Variants in PDE4D observed in about 807,000 individuals in gnomAD.
The protein encoded by PDE4D is phosphodiesterase 4D.
In PDE4D, 24 loss-of-function variants were observed where a neutral mutation model predicts 87.4. The ratio of observed to expected loss-of-function variants is 0.27; its 90% CI spans 0.20 to 0.39. The LOEUF is 0.39. PDE4D is among the 10% of genes least tolerant of loss of function. The pLI is 1.00. For missense variants in PDE4D, 714 were observed against 1,041.0 expected (o/e 0.69, Z 4.32); for synonymous variants, 384 against 383.2 (o/e 1.00, Z -0.02).
At chr5:59,547,130 T>A (rs1329036153) in intron 1 of PDE4D, among the ~76,000 whole-genome samples, 1 of 152,182 alleles carries the variant, frequency 6.6e-6, no homozygotes, top group Non-Finnish European at 1.5e-5. Context: ...TAATTCTTCC[T>A]CTACCTCTAA....
At chr5:60,308,397 A>C (rs1156571348) in intron 1 of PDE4D, among the ~76,000 whole-genome samples, 1 of 152,214 alleles carries the variant, frequency 6.6e-6, no homozygotes, top group Non-Finnish European at 1.5e-5. Context: ...CAAATAGCCA[A>C]GATTGGAGGT....
intron 1 of PDE4D, among the ~76,000 whole-genome samples, chr5:60,513,991 T>C (rs1016548467): frequency 6.6e-6 from 1 of 151,228 alleles, no homozygotes; most frequent in Admixed American, 6.6e-5. Flanking sequence ...AATATAAGAA[T>C]AGAAATCAAT....
intron 1 of PDE4D, among the ~76,000 whole-genome samples, chr5:59,632,891 C>G (rs1831751225): frequency 6.6e-6 from 1 of 152,100 alleles, no homozygotes; most frequent in African/African-American, 2.4e-5. Flanking sequence ...TGAGTTAGAT[C>G]AATTCACAGA....
chr5:59,106,621 G>A (rs1338842202), intron 5 of PDE4D, among the ~76,000 whole-genome samples: 7 of 152,132 alleles, frequency 4.6e-5, no homozygotes, highest in East Asian at 1.9e-4. Flanking sequence ...TCAGCCGGGC[G>A]TGGTGGCGCA....
intron 3 of PDE4D, among the ~76,000 whole-genome samples, chr5:59,899,214 G>A (rs964917790): frequency 2.0e-5 from 3 of 152,056 alleles, no homozygotes; most frequent in Non-Finnish European, 4.4e-5. Flanking sequence ...CTAAAGAACT[G>A]TGCTAGTCCT....
intron 1 of PDE4D, among the ~76,000 whole-genome samples, chr5:60,272,093 A>C (rs1309500466): frequency 6.6e-6 from 1 of 152,196 alleles, no homozygotes; most frequent in Non-Finnish European, 1.5e-5. Flanking sequence ...GGCTCCTCCT[A>C]CAGAAGAAAC....
At chr5:59,862,271 T>G (rs995281187) in intron 1 of PDE4D, among the ~76,000 whole-genome samples, 1 of 152,232 alleles carries the variant, frequency 6.6e-6, no homozygotes, top group Non-Finnish European at 1.5e-5. Flanking sequence ...CCTGTTTGCT[T>G]TTTAAAAATA....
intron 1 of PDE4D, among the ~76,000 whole-genome samples, chr5:59,787,309 G>A (rs538520517): frequency 5.9e-5 from 9 of 152,274 alleles, no homozygotes; most frequent in East Asian, 3.9e-4. Context: ...TTTAGTTGCC[G>A]ACATGCCATG....
intron 1 of PDE4D, among the ~76,000 whole-genome samples, chr5:59,795,455 A>G (rs1381506110): frequency 6.6e-6 from 1 of 152,236 alleles, no homozygotes; most frequent in Admixed American, 6.5e-5. Context: ...GCATGAAAGT[A>G]GAAGGATGAA....
intron 1 of PDE4D, among the ~76,000 whole-genome samples, chr5:59,473,170 C>G (rs1802745384): frequency 6.7e-6 from 1 of 150,072 alleles, no homozygotes; most frequent in African/African-American, 2.4e-5. Flanking sequence ...TGAAAAAAGA[C>G]TGTTTCAGGT....
rs1309471901 is a variant in PDE4D, at chr5:59,784,632, ACAAT to A, written c.455+108532_455+108535del. On this transcript the variant is annotated intron_variant, in intron 1 of 14. Transcript: ENST00000340635. ...GAGCCTCTTTTGAGGGAACAAATGT[ACAAT>A]CAGTCATTAAAAATGTAAAAGAAAA... Among the ~76,000 whole-genome samples the A allele has an allele frequency of 3.9e-5, 6 of 152,206 alleles. No homozygotes were observed. In the East Asian group the frequency reaches 1.2e-3, roughly 29 times the overall value.
At chr5:60,281,097 G>A (rs1470799784) in intron 1 of PDE4D, among the ~76,000 whole-genome samples, 1 of 152,130 alleles carries the variant, frequency 6.6e-6, no homozygotes, top group East Asian at 1.9e-4. Flanking sequence ...AAGGTCAGGG[G>A]GAGCTAAGTC....
chr5:60,336,115 G>C (rs1398201150), intron 1 of PDE4D, among the ~76,000 whole-genome samples: 1 of 152,178 alleles, frequency 6.6e-6, no homozygotes, highest in Non-Finnish European at 1.5e-5. Context: ...TTATTTCCAA[G>C]TAACTGTCCT....
intron 11 of PDE4D, among the ~76,000 whole-genome samples, chr5:58,979,206 A>G (rs916045415): frequency 6.6e-6 from 1 of 152,178 alleles, no homozygotes; most frequent in South Asian, 2.1e-4. Flanking sequence ...TCTACTGGAT[A>G]TAAGTAGGGC....
At chr5:59,972,804 T>G (rs1227758486) in intron 3 of PDE4D, among the ~76,000 whole-genome samples, 2 of 152,178 alleles carry the variant, frequency 1.3e-5, no homozygotes. Context: ...TTTTCCACCT[T>G]GCAAGATCAG....
At position 59,023,205 on chromosome 5, in the gene PDE4D, A is replaced by G. The variant is rs886857104; in HGVS notation, c.921+15654T>C. Among the ~76,000 whole-genome samples the G allele has an allele frequency of 3.0e-4, 46 of 151,980 alleles. No homozygotes were observed. In the East Asian group the frequency reaches 8.3e-3, roughly 28 times the overall value. On this transcript the variant is annotated intron_variant, in intron 6 of 14. Coordinates refer to ENST00000340635, the MANE Select transcript of PDE4D (RefSeq NM_001104631.2). ...AAAAAAAAAAAGAGAGAGAGAGAGA[A>G]AATACAACCAGAGAATAAACACTTG... is the stretch of plus-strand genomic sequence containing the variant.
chr5:59,936,989 G>T (rs917786138), intron 3 of PDE4D, among the ~76,000 whole-genome samples: 9 of 152,300 alleles, frequency 5.9e-5, no homozygotes, highest in African/African-American at 2.2e-4. Context: ...AAAAGAGGAA[G>T]CTCAGCAAAC....
intron 1 of PDE4D, among the ~76,000 whole-genome samples, chr5:59,878,646 T>C (rs1464441618): frequency 6.6e-6 from 1 of 152,080 alleles, no homozygotes; most frequent in African/African-American, 2.4e-5. Context: ...TGGAAATACA[T>C]GTAATTTAAA....
chr5:58,981,534 TAAGAAA>T (rs928425392), intron 11 of PDE4D, among the ~76,000 whole-genome samples: 19 of 34,742 alleles, frequency 5.5e-4, no homozygotes, highest in Non-Finnish European at 8.5e-4. Context: ...TATAAGGGAA[TAAGAAA>T]AAGAAAATGA....
Sources: allele counts gnomAD v4.1 joint callset (sites outside exome capture counted in the v4.1 genomes callset), GRCh38; gene constraint gnomAD v4.1.1; transcripts MANE v1.5; gene names NCBI Gene and HGNC (gene_info 2026-07-23, HGNC 2026-07-21).